The following SLC25A21 variants were observed in gnomAD, a reference collection of about 807,000 sequenced individuals.
SLC25A21 encodes the protein solute carrier family 25 member 21.
SLC25A21 carries 47 observed loss-of-function variants against 43.8 expected under a neutral mutation model. That is an observed-to-expected ratio of 1.07 (90% CI 0.85 to 1.37). SLC25A21 has a LOEUF of 1.37. Among genes scored for constraint, SLC25A21 ranks in the 40% most tolerant of loss-of-function variants. SLC25A21 has a pLI of 0.00. For synonymous variants in SLC25A21, 131 were observed against 121.3 expected (o/e 1.08, Z -0.52); for missense variants, 352 against 350.2 (o/e 1.00, Z -0.04).
chr14:37,170,947 C>T (rs767551287), intron 1 of SLC25A21, among the ~76,000 whole-genome samples: 16 of 151,080 alleles, frequency 1.1e-4, no homozygotes, highest in Admixed American at 2.0e-4. Context: ...AAAAAATAGC[C>T]GGCATGGTGA....
chr14:36,925,903 G>A (rs1267961480), intron 1 of SLC25A21, among the ~76,000 whole-genome samples: 1 of 151,912 alleles, frequency 6.6e-6, no homozygotes, highest in Non-Finnish European at 1.5e-5. Flanking sequence ...ATAAAGAAGA[G>A]AATTGAAAGA....
In SLC25A21 at chr14:36,690,241, T is replaced by A. The variant is rs149893396; in HGVS notation, c.604-5316A>T. Among the ~76,000 whole-genome samples, 1,456 of 152,306 alleles carry A rather than the reference T, an allele frequency of 9.6e-3. 11 individuals carry two copies. The highest frequency in any genetic ancestry group is 0.017 in the Non-Finnish European group (1,126 of 68,018). On this transcript the variant is annotated intron_variant, in intron 7 of 9. Transcript: ENST00000331299. ...AAAATTGCTATACATGTTATAATAT[T>A]TGTATTTTTTCACACTGTTAAGAGT...
chr14:36,701,981 A>G (rs1293160019), intron 7 of SLC25A21, among the ~76,000 whole-genome samples: 1 of 152,224 alleles, frequency 6.6e-6, no homozygotes, highest in Non-Finnish European at 1.5e-5. Context: ...GAACCAAGCT[A>G]GTTCAATGAG....
At chr14:37,031,364 A>T (rs191437384) in intron 1 of SLC25A21, among the ~76,000 whole-genome samples, 2 of 152,350 alleles carry the variant, frequency 1.3e-5, no homozygotes, top group East Asian at 3.9e-4. Flanking sequence ...TCAAAGCAGC[A>T]AAGTAAATCT....
At chr14:36,802,717 G>A (rs1020952248) in intron 3 of SLC25A21, among the ~76,000 whole-genome samples, 3 of 152,294 alleles carry the variant, frequency 2.0e-5, no homozygotes, top group African/African-American at 4.8e-5. Context: ...AACAGCATAC[G>A]AGCTGGGCAT....
At chr14:37,089,694 A>G (rs1962548896) in intron 1 of SLC25A21, among the ~76,000 whole-genome samples, 1 of 152,196 alleles carries the variant, frequency 6.6e-6, no homozygotes, top group Non-Finnish European at 1.5e-5. Flanking sequence ...TTTATACCAC[A>G]GCTCTACTTC....
At chr14:36,843,908 A>T (rs1464519601) in intron 2 of SLC25A21, among the ~76,000 whole-genome samples, 1 of 152,142 alleles carries the variant, frequency 6.6e-6, no homozygotes, top group East Asian at 1.9e-4. Context: ...TGTCAGAGAG[A>T]TCCCTAACCT....
chr14:37,029,833 C>T (rs1450121336), intron 1 of SLC25A21, among the ~76,000 whole-genome samples: 7 of 148,840 alleles, frequency 4.7e-5, no homozygotes, highest in Admixed American at 2.0e-4. Context: ...GGCATGACCT[C>T]GGCTCACTCC....
At chr14:37,115,355 G>C (rs1963088779) in intron 1 of SLC25A21, among the ~76,000 whole-genome samples, 1 of 152,156 alleles carries the variant, frequency 6.6e-6, no homozygotes, top group South Asian at 2.1e-4. Context: ...AGAAGAGTCT[G>C]ACAAATATCT....
At chr14:36,708,887 T>A (rs891342106) in intron 7 of SLC25A21, among the ~76,000 whole-genome samples, 1 of 148,692 alleles carries the variant, frequency 6.7e-6, no homozygotes, top group African/African-American at 2.5e-5. Flanking sequence ...CCAGCTCAGG[T>A]TTTTTTTTTA....
chr14:36,925,049 A>AT (rs1892093152), intron 1 of SLC25A21, among the ~76,000 whole-genome samples: 1 of 152,114 alleles, frequency 6.6e-6, no homozygotes, highest in South Asian at 2.1e-4. Context: ...AGGTTAAAAA[A>AT]ATATATATCA....
chr14:36,873,274 CTTTTTCT>C (rs921078345), intron 2 of SLC25A21, among the ~76,000 whole-genome samples: 13 of 151,982 alleles, frequency 8.6e-5, no homozygotes, highest in African/African-American at 2.9e-4. Context: ...TTGTGGTTTT[CTTTTTCT>C]TTTTTCTTTT....
At chr14:36,815,120 G>A (rs541947080) in intron 2 of SLC25A21, among the ~76,000 whole-genome samples, 5 of 152,268 alleles carry the variant, frequency 3.3e-5, no homozygotes, top group South Asian at 2.1e-4. Context: ...GTTGAACAAC[G>A]AGAACACATG....
chr14:37,161,595 A>C (rs2138949172), intron 1 of SLC25A21, among the ~76,000 whole-genome samples: 1 of 152,310 alleles, frequency 6.6e-6, no homozygotes, highest in Admixed American at 6.5e-5. Context: ...ATATGGTCAT[A>C]TTGGATTACA....
intron 1 of SLC25A21, among the ~76,000 whole-genome samples, chr14:37,155,136 T>C (rs1235168636): frequency 2.0e-5 from 3 of 152,010 alleles, no homozygotes; most frequent in East Asian, 1.9e-4. Flanking sequence ...AGTGGCACGA[T>C]CTCAGCTCAC....
intron 1 of SLC25A21, among the ~76,000 whole-genome samples, chr14:36,887,491 A>T (rs897913715): frequency 1.0e-4 from 15 of 150,348 alleles, no homozygotes; most frequent in African/African-American, 3.7e-4. Flanking sequence ...TAAACCTGGG[A>T]GGCGGATGTT....
chr14:36,997,178 A>G (rs1215275592), intron 1 of SLC25A21, among the ~76,000 whole-genome samples: 2 of 152,206 alleles, frequency 1.3e-5, no homozygotes, highest in East Asian at 3.9e-4. Flanking sequence ...TGTGGGTACA[A>G]AAATTGAAAA....
At chr14:36,903,098 A>G (rs999503070) in intron 1 of SLC25A21, among the ~76,000 whole-genome samples, 2 of 152,240 alleles carry the variant, frequency 1.3e-5, no homozygotes, top group Non-Finnish European at 2.9e-5. Flanking sequence ...GAACCAATTT[A>G]AACAGAGTGT....
At chr14:37,027,750 T>G (rs1253536103) in intron 1 of SLC25A21, among the ~76,000 whole-genome samples, 1 of 152,218 alleles carries the variant, frequency 6.6e-6, no homozygotes, top group Non-Finnish European at 1.5e-5. Context: ...AACAGCTGTT[T>G]GGCCTGGCTT....
Sources: gnomAD v4.1 joint callset for allele counts (sites outside exome capture counted in the v4.1 genomes callset) on GRCh38, gnomAD v4.1.1 for gene constraint, MANE v1.5 for transcripts, NCBI Gene and HGNC (gene_info 2026-07-23, HGNC 2026-07-21) for gene names.